Variants in CAST observed in about 807,000 individuals in gnomAD.
CAST encodes the protein calpastatin.
Under a neutral mutation model 119.6 loss-of-function variants are expected in CAST, and 76 were observed. That is an observed-to-expected ratio of 0.64 (90% confidence interval 0.53 to 0.77). CAST has a LOEUF of 0.77. Ranked by LOEUF, CAST falls within the 30% of genes least tolerant of loss-of-function variation. The pLI, the probability that CAST is intolerant of heterozygous loss-of-function variation, is 0.00. For synonymous variants in CAST, 319 were observed against 331.6 expected (o/e 0.96, Z 0.41); for missense variants, 953 against 946.5 (o/e 1.01, Z -0.09).
the CAST span, among the ~76,000 whole-genome samples, chr5:96,093,702 T>G: frequency 2.0e-5 from 3 of 152,212 alleles, no homozygotes; most frequent in Non-Finnish European, 4.4e-5. Context: ...TCTGGAAAAC[T>G]ACTTATGAGG....
intron 2 of CAST, 180 bp from the exon 3 acceptor site, chr5:96,695,656 T>C (rs1267307288): frequency 3.6e-5 from 17 of 471,768 alleles, no homozygotes; most frequent in Non-Finnish European, 5.2e-5. Context: ...TTCATTTCAA[T>C]ATTTGTATCA....
the CAST span, among the ~76,000 whole-genome samples, chr5:96,503,019 T>C: frequency 6.6e-6 from 1 of 152,292 alleles, no homozygotes; most frequent in South Asian, 2.1e-4. Flanking sequence ...TTTTTAAGCT[T>C]AAAAAGCTAG....
At chr5:96,164,232 C>T in the CAST span, among the ~76,000 whole-genome samples, 4 of 151,922 alleles carry the variant, frequency 2.6e-5, no homozygotes, top group Admixed American at 1.3e-4. Flanking sequence ...GTATGTTGTA[C>T]GTAAAGAAAG....
the CAST span, among the ~76,000 whole-genome samples, chr5:96,339,739 G>A: frequency 6.6e-6 from 1 of 152,200 alleles, no homozygotes; most frequent in South Asian, 2.1e-4. Context: ...GGAGAGCTAA[G>A]GTGAGTCCTG....
At chr5:96,629,418 C>T (rs928022797) in intron 1 of CAST, among the ~76,000 whole-genome samples, 2 of 152,024 alleles carry the variant, frequency 1.3e-5, no homozygotes, top group Non-Finnish European at 2.9e-5. Flanking sequence ...CCAGCGCTCC[C>T]CTCTGGGTGG....
At chr5:96,354,479 C>T in the CAST span, among the ~76,000 whole-genome samples, 14 of 151,776 alleles carry the variant, frequency 9.2e-5, no homozygotes, top group African/African-American at 3.1e-4. Context: ...TTCTATAATG[C>T]AACAAATGCT....
At chr5:96,618,635 C>G (rs1318766001) in intron 1 of CAST, among the ~76,000 whole-genome samples, 2 of 152,126 alleles carry the variant, frequency 1.3e-5, no homozygotes, top group Non-Finnish European at 2.9e-5. Context: ...CAGTGAGGGG[C>G]TTAGCACCTG....
the CAST span, among the ~76,000 whole-genome samples, chr5:96,073,086 T>C: frequency 6.6e-6 from 1 of 152,266 alleles, no homozygotes; most frequent in South Asian, 2.1e-4. Flanking sequence ...CCAAAAGTTT[T>C]TCATTTAAGT....
chr5:96,432,048 A>G, the CAST span: 15 of 1,463,910 alleles, frequency 1.0e-5, no homozygotes, highest in Non-Finnish European at 1.3e-5. Flanking sequence ...GACAGGCAAC[A>G]ATAAGCTGAA....
intron 19 of CAST, among the ~76,000 whole-genome samples, chr5:96,749,181 A>G (rs776761607): frequency 2.0e-5 from 3 of 152,192 alleles, no homozygotes; most frequent in African/African-American, 7.2e-5. Context: ...TGCTAGATCA[A>G]CTAAAGTCTT....
intron 3 of CAST, among the ~76,000 whole-genome samples, chr5:96,713,501 G>C (rs917529375): frequency 1.3e-5 from 2 of 152,114 alleles, no homozygotes; most frequent in Non-Finnish European, 2.9e-5. Flanking sequence ...CTCATAATCT[G>C]TCAGGGTTGT....
At chr5:96,607,646 T>TGTGCTTTTCGAGGGTGTC (rs1747284850) in intron 1 of CAST, among the ~76,000 whole-genome samples, 1 of 152,162 alleles carries the variant, frequency 6.6e-6, no homozygotes, top group Admixed American at 6.5e-5. Flanking sequence ...TGTCCTTTCA[T>TGTGCTTTTCGAGGGTGTC]CATCACTTTT....
the CAST span, among the ~76,000 whole-genome samples, chr5:95,979,659 G>A: frequency 2.6e-5 from 4 of 152,102 alleles, no homozygotes; most frequent in Admixed American, 6.6e-5. Context: ...TTTTGGGAGG[G>A]CTCAATGAGT....
intron 16 of CAST, among the ~76,000 whole-genome samples, chr5:96,743,236 A>T (rs1270267428): frequency 2.0e-5 from 3 of 152,216 alleles, no homozygotes; most frequent in Non-Finnish European, 4.4e-5. Flanking sequence ...CTGCATATTT[A>T]TAGAATAATG....
At chr5:96,435,036 T>C in the CAST span, among the ~76,000 whole-genome samples, 1 of 152,226 alleles carries the variant, frequency 6.6e-6, no homozygotes, top group Non-Finnish European at 1.5e-5. Flanking sequence ...CTGTCTTCTT[T>C]TCCCTTCACA....
intron 6 of CAST, among the ~76,000 whole-genome samples, 163 bp downstream of exon 6, chr5:96,727,693 A>T (rs1759533967): frequency 6.6e-6 from 1 of 152,140 alleles, no homozygotes; most frequent in Non-Finnish European, 1.5e-5. Flanking sequence ...AGAATATATA[A>T]AATATAACAT....
the CAST span, among the ~76,000 whole-genome samples, chr5:96,490,354 C>CTGTGTGTGTGTGTGTG: frequency 6.7e-6 from 1 of 149,502 alleles, no homozygotes; most frequent in African/African-American, 2.5e-5. Context: ...ATGTGTGTGT[C>CTGTGTGTGTGTGTGTG]TGTGTGTGTG....
chr5:96,619,593 C>T (rs1012002096), intron 1 of CAST, among the ~76,000 whole-genome samples: 1 of 152,188 alleles, frequency 6.6e-6, no homozygotes, highest in Non-Finnish European at 1.5e-5. Flanking sequence ...CTGTTTGGGT[C>T]TGCGCTTCCT....
chr5:96,044,376 C>T, the CAST span, among the ~76,000 whole-genome samples: 1 of 152,188 alleles, frequency 6.6e-6, no homozygotes, highest in Non-Finnish European at 1.5e-5. Context: ...CTTGCCCCTT[C>T]CACCATATAA....
Sources: gnomAD v4.1 joint callset for allele counts (sites outside exome capture counted in the v4.1 genomes callset) on GRCh38, gnomAD v4.1.1 for gene constraint, MANE v1.5 for transcripts, NCBI Gene and HGNC (gene_info 2026-07-23, HGNC 2026-07-21) for gene names.